The following TACR2 variants were observed in gnomAD, a reference collection of about 807,000 sequenced individuals.
The protein encoded by TACR2 is tachykinin receptor 2, also known as substance-K receptor.
In TACR2, 24 loss-of-function variants were observed where a neutral mutation model predicts 28.9. The ratio of observed to expected loss-of-function variants is 0.83; its 90% CI spans 0.60 to 1.17. TACR2 has a LOEUF of 1.17. Ranked by LOEUF, TACR2 falls within the 50% of genes most tolerant of loss-of-function variation. The pLI is 0.00. For missense variants in TACR2, 487 were observed against 524.4 expected, an observed-to-expected ratio of 0.93 and a Z score of 0.70; for synonymous variants, 222 against 212.6, an observed-to-expected ratio of 1.04 and a Z score of -0.38.
At chr10:69,412,100 G>A (rs890480021) in intron 2 of TACR2, among the ~76,000 whole-genome samples, 5 of 152,188 alleles carry the variant, frequency 3.3e-5, no homozygotes, top group Admixed American at 1.3e-4. Flanking sequence ...GATTACAGGC[G>A]TGAGCCACCG....
chr10:69,412,831 C>CTTTG (rs1377956880), intron 2 of TACR2, among the ~76,000 whole-genome samples: 1 of 152,144 alleles, frequency 6.6e-6, no homozygotes, highest in Non-Finnish European at 1.5e-5. Context: ...CAGGGACCGC[C>CTTTG]TTTGTTTGTT....
intron 2 of TACR2, among the ~76,000 whole-genome samples, chr10:69,412,506 G>A (rs57156813): frequency 0.016 from 2,512 of 152,260 alleles, 75 homozygotes; most frequent in African/African-American, 0.058. Context: ...AGGAAACTGA[G>A]GCCCAGAGAG....
Position 69,416,777 on chromosome 10 carries a change from T to C in TACR2, c.-454A>G, listed in dbSNP as rs199601872. The C allele has an allele frequency of 3.2e-5, 5 of 157,350 alleles. No homozygotes were observed. The highest frequency in any genetic ancestry group is 1.2e-4 in the Admixed American group (2 of 16,106). The allele number at this position is 157,350 out of a possible 1,614,324, so 9.7% of individuals were successfully genotyped here. A position where few individuals can be genotyped will look rare whatever the true frequency, so the allele number is the denominator to read the frequency against. ...CAGGAAACCTTCCAGATCAGAGGAATGCACAGCGGGAGTCTCTGGAGTCCA... is the reference window on the plus strand; with the variant it reads ...CAGGAAACCTTCCAGATCAGAGGAACGCACAGCGGGAGTCTCTGGAGTCCA... On this transcript the variant is annotated 5_prime_UTR_variant, in exon 1 of 5. Transcript: ENST00000373306.
rs1840616863 is a variant in TACR2 at position 69,416,150 on chromosome 10, G to T, written c.174C>A (p.Ile58=). ...VTGNAIVIWI[I]LAHRRMRTVT... Reference sequence around the variant, plus strand: ...CTGTGCGCATCCTCCGATGGGCCAGGATGATCCAGATGACGATGGCATTAC... The same window carrying T: ...CTGTGCGCATCCTCCGATGGGCCAGTATGATCCAGATGACGATGGCATTAC... Residue 58 remains isoleucine, a synonymous_variant, in exon 1 of 5, where the codon ATC becomes ATA. Coordinates refer to ENST00000373306, the MANE Select transcript of TACR2 (RefSeq NM_001057.3). 1 of 1,614,106 alleles carries T rather than the reference G, an allele frequency of 6.2e-7. No homozygotes were observed. The highest frequency in any genetic ancestry group is 1.3e-5 in the African/African-American group (1 of 74,936).
rs139489285 is a variant in TACR2, at chr10:69,407,349, A to G, written c.742-69T>C. On this transcript the variant is annotated intron_variant, in intron 3 of 4. Transcript: ENST00000373306. ...CAGCCCCAGCCCTCCGAGGGCAGACACAGAGGACCCCTTGCACCCACCTGG... is the reference window on the plus strand; with the variant it reads ...CAGCCCCAGCCCTCCGAGGGCAGACGCAGAGGACCCCTTGCACCCACCTGG... The G allele has an allele frequency of 3.7e-4, 557 of 1,490,322 alleles. 1 individual carries two copies. The African/African-American group carries it at 7.0e-3, about 19-fold the overall frequency. 92.3% of individuals were successfully genotyped at this position (1,490,322 alleles called of 1,614,324 possible).
chr10:69,407,386 C>T (rs1840512095), intron 3 of TACR2, 106 bp from the exon 4 acceptor site: 1 of 1,076,812 alleles, frequency 9.3e-7, no homozygotes, highest in Non-Finnish European at 1.3e-6. Flanking sequence ...AACTGCTCCA[C>T]ACACAGACCC....
At chr10:69,413,033 G>C (rs967058698) in intron 2 of TACR2, among the ~76,000 whole-genome samples, 1 of 152,162 alleles carries the variant, frequency 6.6e-6, no homozygotes. Context: ...GTTTCATCAC[G>C]TTGGCCAGGC....
intron 1 of TACR2, among the ~76,000 whole-genome samples, chr10:69,415,394 G>A (rs1840605232): frequency 6.6e-6 from 1 of 152,172 alleles, no homozygotes; most frequent in Non-Finnish European, 1.5e-5. Flanking sequence ...GCATGGACAT[G>A]CCCGTGGACG....
At chr10:69,410,504 G>A (rs1326686107) in intron 2 of TACR2, among the ~76,000 whole-genome samples, 1 of 145,002 alleles carries the variant, frequency 6.9e-6, no homozygotes, top group Non-Finnish European at 1.5e-5. Flanking sequence ...CTGGGCGATA[G>A]AGTGAGACCC....
intron 2 of TACR2, among the ~76,000 whole-genome samples, chr10:69,411,840 GT>G (rs376088241): frequency 1.4e-3 from 214 of 152,006 alleles, no homozygotes; most frequent in African/African-American, 4.9e-3. Context: ...ATTTGATTTT[GT>G]TTTTTTTGAG....
rs758556223 is a variant in TACR2, at chr10:69,416,027, C to G, written c.297G>C (p.Trp99Cys). 11 of 1,614,068 alleles carry G rather than the reference C, an allele frequency of 6.8e-6. No individual in the cohort carries two copies. The highest frequency in any genetic ancestry group is 8.5e-6 in the Non-Finnish European group (10 of 1,180,044). Residue 99 changes from tryptophan (W) to cysteine (C), a missense_variant, in exon 1 of 5, where the codon TGG becomes TGC. Coordinates refer to ENST00000373306, the MANE Select transcript of TACR2 (RefSeq NM_001057.3). Reference sequence around the variant, plus strand: ...AGTAGCAGAAGGCACGGCCAAAGTACCAGATGTTGTGGCTGGCATAGACAA... The same window carrying G: ...AGTAGCAGAAGGCACGGCCAAAGTAGCAGATGTTGTGGCTGGCATAGACAA... ...FNFVYASHNIWYFGRAFCYFQ... is the reference protein window; with the variant it reads ...FNFVYASHNICYFGRAFCYFQ...
chr10:69,406,034 T>G (rs1309814357), intron 4 of TACR2, among the ~76,000 whole-genome samples: 1 of 152,200 alleles, frequency 6.6e-6, no homozygotes, highest in Non-Finnish European at 1.5e-5. Flanking sequence ...TACTTCCCTC[T>G]CAGGAGATAG....
chr10:69,415,171 G>T (rs777877576), intron 1 of TACR2, 32 bp from the exon 2 acceptor site: 3 of 1,590,968 alleles, frequency 1.9e-6, no homozygotes, highest in South Asian at 1.1e-5. Flanking sequence ...AGCGGCAGGG[G>T]CCCTCCTGTT....
intron 3 of TACR2, 110 bp from the exon 4 acceptor site, chr10:69,407,390 C>G: frequency 1.9e-6 from 2 of 1,052,666 alleles, no homozygotes; most frequent in Non-Finnish European, 2.7e-6. Flanking sequence ...GCTCCACACA[C>G]AGACCCCGTT....
At chr10:69,413,331 AC>A (rs1840584205) in intron 2 of TACR2, among the ~76,000 whole-genome samples, 1 of 152,012 alleles carries the variant, frequency 6.6e-6, no homozygotes, top group African/African-American at 2.4e-5. Context: ...TTCCTAGCCC[AC>A]CCCTGCCCGC....
intron 2 of TACR2, among the ~76,000 whole-genome samples, chr10:69,411,926 G>A (rs1840572312): frequency 6.6e-6 from 1 of 152,158 alleles, no homozygotes; most frequent in African/African-American, 2.4e-5. Flanking sequence ...CCACCTCCCA[G>A]ATTCAAGTGA....
intron 1 of TACR2, 25 bp downstream of exon 1, chr10:69,415,907 C>G: frequency 7.5e-6 from 12 of 1,605,694 alleles, no homozygotes; most frequent in Admixed American, 3.3e-5. Flanking sequence ...GAGGCTCCCC[C>G]CAGCTTCCCC....
At chr10:69,413,645 A>C (rs1443403698) in intron 2 of TACR2, among the ~76,000 whole-genome samples, 1 of 152,214 alleles carries the variant, frequency 6.6e-6, no homozygotes, top group African/African-American at 2.4e-5. Context: ...CCTGAAGCCC[A>C]CAAGAGCAGC....
intron 2 of TACR2, among the ~76,000 whole-genome samples, chr10:69,412,450 C>T (rs1036577492): frequency 9.2e-5 from 14 of 152,288 alleles, no homozygotes; most frequent in South Asian, 6.2e-4. Flanking sequence ...GGCCCATCAC[C>T]TTACAGAGTG....
Sources: allele counts gnomAD v4.1 joint callset (sites outside exome capture counted in the v4.1 genomes callset), GRCh38; gene constraint gnomAD v4.1.1; transcripts MANE v1.5; gene names NCBI Gene and HGNC (gene_info 2026-07-23, HGNC 2026-07-21).